Variants in SH3GL3 observed in about 807,000 individuals in gnomAD.
The protein encoded by SH3GL3 is endophilin-A3.
Under a neutral mutation model 47.7 loss-of-function variants are expected in SH3GL3, and 33 were observed. The ratio of observed to expected loss-of-function variants is 0.69; its 90% CI spans 0.52 to 0.92. The LOEUF (loss-of-function observed/expected upper bound fraction) is 0.92. Ranked by LOEUF, SH3GL3 falls within the 40% of genes least tolerant of loss-of-function variation. The pLI is 0.00. For missense variants in SH3GL3, 363 were observed against 417.8 expected, an observed-to-expected ratio of 0.87 and a Z score of 1.14; for synonymous variants, 155 against 148.8, an observed-to-expected ratio of 1.04 and a Z score of -0.30.
At chr15:83,604,803 G>T (rs1281868490) in intron 8 of SH3GL3, among the ~76,000 whole-genome samples, 3 of 152,192 alleles carry the variant, frequency 2.0e-5, no homozygotes, top group Non-Finnish European at 4.4e-5. Context: ...AAGTAGCAGA[G>T]CTGGGTACTT....
intron 6 of SH3GL3, among the ~76,000 whole-genome samples, chr15:83,579,920 TCTC>T (rs1460736594): frequency 2.0e-5 from 3 of 152,112 alleles, no homozygotes; most frequent in Non-Finnish European, 4.4e-5. Flanking sequence ...TAGAGAAAAA[TCTC>T]CTGCTGGTCA....
At position 83,448,415 on chromosome 15, in the gene SH3GL3, GA is replaced by G. The variant is rs1310537858; in HGVS notation, c.45+841del. ...AAGCCGTTCTGAGCAGAGGAAACAG[GA>G]AAACAGGAGGGGAGACATGAAATTG... On this transcript the variant is annotated intron_variant, in intron 1 of 8. Coordinates refer to ENST00000427482, the MANE Select transcript of SH3GL3 (RefSeq NM_003027.5). The surrounding 1 kb of genome is among the most constrained non-coding windows in gnomAD (Gnocchi z 4.2). 1.3e-5 allele frequency among the ~76,000 whole-genome samples: 2 copies of G among 149,674 alleles called. No individual in the cohort carries two copies. The highest frequency in any genetic ancestry group is 3.0e-5 in the Non-Finnish European group (2 of 67,698).
chr15:83,479,177 C>A (rs1176586843), intron 1 of SH3GL3, among the ~76,000 whole-genome samples: 1 of 152,186 alleles, frequency 6.6e-6, no homozygotes, highest in Non-Finnish European at 1.5e-5. Context: ...TTGGGATTGA[C>A]TCTGAAGGGG....
intron 1 of SH3GL3, among the ~76,000 whole-genome samples, chr15:83,522,359 A>G (rs535709493): frequency 6.6e-6 from 1 of 152,344 alleles, no homozygotes; most frequent in African/African-American, 2.4e-5. Flanking sequence ...GGAATGAACA[A>G]CCATAATGTG....
intron 1 of SH3GL3, among the ~76,000 whole-genome samples, chr15:83,449,036 T>G (rs986202677): frequency 2.0e-5 from 3 of 152,040 alleles, no homozygotes; most frequent in African/African-American, 7.2e-5. Context: ...GAGCTACAGA[T>G]TTTTGGTGAT....
chr15:83,576,860 G>A (rs531095342), intron 6 of SH3GL3, 119 bp downstream of exon 6: 7 of 561,004 alleles, frequency 1.2e-5, no homozygotes, highest in African/African-American at 1.2e-4. Flanking sequence ...TGGCTTCCCT[G>A]GGCCACACAT....
chr15:83,487,262 A>G (rs1453447146), intron 1 of SH3GL3, among the ~76,000 whole-genome samples: 2 of 149,794 alleles, frequency 1.3e-5, no homozygotes, highest in Non-Finnish European at 3.0e-5. Context: ...AATGACATCA[A>G]TTTGATAACA....
At chr15:83,491,666 A>G (rs887636357) in intron 1 of SH3GL3, among the ~76,000 whole-genome samples, 4 of 152,188 alleles carry the variant, frequency 2.6e-5, no homozygotes, top group Non-Finnish European at 5.9e-5. Flanking sequence ...AATCGATGCC[A>G]TCTTCAGATG....
At chr15:83,484,533 GT>G (rs565460619) in intron 1 of SH3GL3, among the ~76,000 whole-genome samples, 27 of 147,802 alleles carry the variant, frequency 1.8e-4, no homozygotes, top group Admixed American at 4.0e-4. Context: ...AGTAAAAATA[GT>G]TTTTTTTTTC....
At chr15:83,552,227 T>C (rs1015069229) in intron 1 of SH3GL3, among the ~76,000 whole-genome samples, 1 of 152,228 alleles carries the variant, frequency 6.6e-6, no homozygotes, top group Non-Finnish European at 1.5e-5. Flanking sequence ...AGAAATTAGA[T>C]TGAATGACGT....
intron 1 of SH3GL3, among the ~76,000 whole-genome samples, chr15:83,550,246 C>T (rs1456972719): frequency 1.3e-5 from 2 of 152,142 alleles, no homozygotes; most frequent in African/African-American, 4.8e-5. Context: ...ATTTTTGGCA[C>T]AGGGCTTCTC....
intron 8 of SH3GL3, chr15:83,609,197 G>T: frequency 2.2e-6 from 1 of 444,970 alleles, no homozygotes. Context: ...TGCTGGGAAA[G>T]GGACTCGGTA....
chr15:83,564,361 GTGT>G (rs1323440947), intron 2 of SH3GL3, among the ~76,000 whole-genome samples: 1 of 152,126 alleles, frequency 6.6e-6, no homozygotes, highest in Non-Finnish European at 1.5e-5. Context: ...TTTCAAATAG[GTGT>G]TGTGAATTTC....
At chr15:83,623,921 G>T in the SH3GL3 span, among the ~76,000 whole-genome samples, 6 of 152,090 alleles carry the variant, frequency 3.9e-5, no homozygotes, top group Non-Finnish European at 8.8e-5. Flanking sequence ...GAGTAGCTGG[G>T]ATTACACGTG....
At chr15:83,519,207 A>G (rs2043110577) in intron 1 of SH3GL3, among the ~76,000 whole-genome samples, 1 of 152,160 alleles carries the variant, frequency 6.6e-6, no homozygotes, top group Non-Finnish European at 1.5e-5. Context: ...TCTGTGAAAA[A>G]TGATGTTGCT....
chr15:83,601,776 G>A (rs967847060), intron 8 of SH3GL3, among the ~76,000 whole-genome samples: 7 of 150,840 alleles, frequency 4.6e-5, no homozygotes, highest in East Asian at 1.9e-4. Flanking sequence ...GATTGGTACC[G>A]ATTCTTCTTT....
chr15:83,450,979 C>A (rs1384115042), intron 1 of SH3GL3, among the ~76,000 whole-genome samples: 3 of 121,990 alleles, frequency 2.5e-5, no homozygotes, highest in Non-Finnish European at 3.3e-5. Context: ...CCACAGTCTC[C>A]AGAGTGTGTT....
intron 3 of SH3GL3, chr15:83,565,461 T>C (rs2045490085): frequency 2.6e-6 from 1 of 387,182 alleles, no homozygotes; most frequent in Non-Finnish European, 4.6e-6. Flanking sequence ...AAGAGAGCAC[T>C]GAGCAAAGGT....
At chr15:83,458,370 C>T (rs1319527963) in intron 1 of SH3GL3, among the ~76,000 whole-genome samples, 2 of 152,216 alleles carry the variant, frequency 1.3e-5, no homozygotes, top group Non-Finnish European at 2.9e-5. Flanking sequence ...GCACCAGCAG[C>T]CAGTGGCCTT....
Sources: allele counts gnomAD v4.1 joint callset (sites outside exome capture counted in the v4.1 genomes callset), GRCh38; gene constraint gnomAD v4.1.1; non-coding constraint Gnocchi (gnomAD v3.1); transcripts MANE v1.5; gene names NCBI Gene and HGNC (gene_info 2026-07-23, HGNC 2026-07-21).